The following TMEM135 variants were observed in gnomAD, a reference collection of about 807,000 sequenced individuals.
TMEM135 encodes the protein peroxisomal membrane protein 52.
A neutral mutation model predicts 60.3 loss-of-function variants in TMEM135; 30 were observed. The observed-to-expected ratio is 0.50, with a 90% CI of 0.37 to 0.68. The LOEUF (loss-of-function observed/expected upper bound fraction) is 0.68, where lower values mean the gene tolerates loss of function less well. Ranked by LOEUF, TMEM135 falls within the 30% of genes least tolerant of loss-of-function variation. The probability of loss-of-function intolerance (pLI) is 0.00; values close to 1 mark genes in which losing one functional copy is unlikely to be tolerated. For synonymous variants in TMEM135, 190 were observed against 186.7 expected (o/e 1.02, Z -0.14); for missense variants, 468 against 548.8 (o/e 0.85, Z 1.47).
At chr11:87,205,812 C>T (rs1455264665) in intron 5 of TMEM135, among the ~76,000 whole-genome samples, 2 of 152,050 alleles carry the variant, frequency 1.3e-5, no homozygotes, top group African/African-American at 4.8e-5. Context: ...TGAGTCTGTG[C>T]CACATTCTCT....
chr11:87,087,388 C>T (rs1179394480), intron 3 of TMEM135, among the ~76,000 whole-genome samples: 2 of 151,884 alleles, frequency 1.3e-5, no homozygotes, highest in Non-Finnish European at 2.9e-5. Context: ...GAGTGTTGAT[C>T]CAGATTTTTA....
intron 4 of TMEM135, among the ~76,000 whole-genome samples, chr11:87,125,543 G>T (rs1455367863): frequency 6.6e-6 from 1 of 152,176 alleles, no homozygotes; most frequent in Admixed American, 6.5e-5. Flanking sequence ...TATAGCTAAG[G>T]AGTCTGTTAT....
chr11:87,073,241 G>A (rs990238274), intron 3 of TMEM135, among the ~76,000 whole-genome samples: 1 of 151,976 alleles, frequency 6.6e-6, no homozygotes, highest in African/African-American at 2.4e-5. Flanking sequence ...CACTTTGTTG[G>A]CCAGTATGGT....
intron 3 of TMEM135, among the ~76,000 whole-genome samples, chr11:87,085,342 A>T (rs918920082): frequency 2.0e-5 from 3 of 152,216 alleles, no homozygotes. Context: ...GACTTAATCT[A>T]ATAGCAATAC....
At chr11:87,282,412 G>A (rs976554623) in intron 6 of TMEM135, among the ~76,000 whole-genome samples, 1 of 152,096 alleles carries the variant, frequency 6.6e-6, no homozygotes, top group African/African-American at 2.4e-5. Flanking sequence ...TTACAGGCAC[G>A]AGCCACCATG....
chr11:87,064,054 G>T lies in TMEM135; in HGVS notation c.142-3640G>T, dbSNP rs565536442. 7.2e-5 allele frequency among the ~76,000 whole-genome samples: 11 copies of T among 152,246 alleles called. No individual in the cohort carries two copies. In the East Asian group the frequency reaches 2.1e-3, roughly 29 times the overall value. On this transcript the variant is annotated intron_variant, in intron 1 of 14. Transcript: ENST00000305494. ...TAGATGCTATCCAACGGTTTTCCAA[G>T]GGGACCACAATTTTATATTGTCATG... is the stretch of plus-strand genomic sequence containing the variant.
intron 5 of TMEM135, among the ~76,000 whole-genome samples, chr11:87,202,254 G>C (rs1286900627): frequency 1.3e-5 from 2 of 151,988 alleles, no homozygotes; most frequent in Non-Finnish European, 2.9e-5. Flanking sequence ...TCAAACTCCT[G>C]ACCTCAAGTG....
At chr11:87,134,400 T>C (rs957245765) in intron 4 of TMEM135, among the ~76,000 whole-genome samples, 1 of 152,172 alleles carries the variant, frequency 6.6e-6, no homozygotes, top group Non-Finnish European at 1.5e-5. Context: ...CTGTAACATA[T>C]ATATTTTTTG....
At chr11:87,268,548 T>G (rs191162457) in intron 6 of TMEM135, among the ~76,000 whole-genome samples, 8 of 152,312 alleles carry the variant, frequency 5.3e-5, no homozygotes, top group Admixed American at 5.2e-4. Flanking sequence ...TAAACTGGAA[T>G]GAGATAACCT....
At chr11:87,142,078 T>G (rs1408882514) in intron 4 of TMEM135, among the ~76,000 whole-genome samples, 1 of 152,164 alleles carries the variant, frequency 6.6e-6, no homozygotes, top group Non-Finnish European at 1.5e-5. Flanking sequence ...TTGCTTTAGA[T>G]CTCTTTAAAG....
At position 87,328,058 on chromosome 11, in the gene TMEM135, T is replaced by C. The variant is rs1233312036; in HGVS notation, c.*6725T>C. On this transcript the variant is annotated 3_prime_UTR_variant, in exon 15 of 15. Coordinates refer to ENST00000305494, the MANE Select transcript of TMEM135 (RefSeq NM_022918.4). Reference sequence around the variant, plus strand: ...TAATGCCTTACCAGTTCTCTAGATATTCCTTAATCCAGTCAAGTTGATGCC... The same window carrying C: ...TAATGCCTTACCAGTTCTCTAGATACTCCTTAATCCAGTCAAGTTGATGCC... The C allele has an allele frequency of 6.6e-6, 3 of 454,108 alleles. No individual in the cohort carries two copies. The highest frequency in any genetic ancestry group is 1.6e-5 in the South Asian group (1 of 64,476). 28.1% of individuals were successfully genotyped at this position (454,108 alleles called of 1,614,324 possible). A position where few individuals can be genotyped will look rare whatever the true frequency, so the allele number is the denominator to read the frequency against.
chr11:87,050,543 G>C (rs1460754592), intron 1 of TMEM135, among the ~76,000 whole-genome samples: 2 of 47,800 alleles, frequency 4.2e-5, no homozygotes, highest in East Asian at 2.8e-3. Flanking sequence ...ACACCTCTAC[G>C]CAAATAAACT....
chr11:87,327,452 A>G lies in TMEM135; in HGVS notation c.*6119A>G, dbSNP rs777647898. 13 of 454,098 alleles carry G rather than the reference A, an allele frequency of 2.9e-5. 2 individuals are homozygous for G. The highest frequency in any genetic ancestry group is 2.0e-4 in the South Asian group (13 of 64,470). The allele number at this position is 454,098 out of a possible 1,614,324, so 28.1% of individuals were successfully genotyped here. ...ATCTGCATTTGAGCATTTTGAGAAA[A>G]TAAACCTCTATTTCTTAAAGTTCTG... is the stretch of plus-strand genomic sequence containing the variant. On this transcript the variant is annotated 3_prime_UTR_variant, in exon 15 of 15. Coordinates refer to ENST00000305494, the MANE Select transcript of TMEM135 (RefSeq NM_022918.4).
chr11:87,298,114 T>G (rs1020165024), intron 7 of TMEM135, among the ~76,000 whole-genome samples: 2 of 152,174 alleles, frequency 1.3e-5, no homozygotes, highest in South Asian at 4.1e-4. Context: ...GTCCTGGCGG[T>G]CGTGATTTTT....
chr11:87,188,376 G>A (rs950278676), intron 5 of TMEM135, among the ~76,000 whole-genome samples: 1 of 151,966 alleles, frequency 6.6e-6, no homozygotes, highest in African/African-American at 2.4e-5. Context: ...CCCTTATCTT[G>A]TCTTTTAATG....
intron 6 of TMEM135, among the ~76,000 whole-genome samples, chr11:87,284,817 G>A (rs1942133859): frequency 1.3e-5 from 2 of 152,156 alleles, no homozygotes; most frequent in African/African-American, 4.8e-5. Flanking sequence ...ATATTTGTAT[G>A]TGAGTTTTCT....
At position 87,253,446 on chromosome 11, in the gene TMEM135, C is replaced by G. The variant is rs573491148; in HGVS notation, c.509+16762C>G. Among the ~76,000 whole-genome samples the G allele has an allele frequency of 2.6e-5, 4 of 151,938 alleles. No individual in the cohort carries two copies. The East Asian group carries it at 7.8e-4, about 30-fold the overall frequency. ...TGTGAATATTTTGTTTGTGATTTTT[C>G]ACTGATGTCAAAGTTCAAAAGTGGA... On this transcript the variant is annotated intron_variant, in intron 6 of 14. Coordinates refer to ENST00000305494, the MANE Select transcript of TMEM135 (RefSeq NM_022918.4).
At chr11:87,221,259 G>T (rs191491003) in intron 5 of TMEM135, among the ~76,000 whole-genome samples, 20 of 152,252 alleles carry the variant, frequency 1.3e-4, no homozygotes, top group Admixed American at 2.0e-4. Flanking sequence ...CTTCTTAGAT[G>T]CAGGCATTAT....
chr11:87,088,008 G>A, intron 3 of TMEM135, among the ~76,000 whole-genome samples: 1 of 152,244 alleles, frequency 6.6e-6, no homozygotes, highest in South Asian at 2.1e-4. Context: ...GAAGTGTTGG[G>A]ATTACAGGTG....
Sources: allele counts gnomAD v4.1 joint callset (sites outside exome capture counted in the v4.1 genomes callset), GRCh38; gene constraint gnomAD v4.1.1; transcripts MANE v1.5; gene names NCBI Gene and HGNC (gene_info 2026-07-23, HGNC 2026-07-21).